The following LIPE variants were observed in gnomAD, a reference collection of about 807,000 sequenced individuals.
LIPE encodes lipase E, hormone sensitive type.
In LIPE, 66 loss-of-function variants were observed where a neutral mutation model predicts 88.5. The observed-to-expected ratio is 0.75, with a 90% confidence interval of 0.61 to 0.91. LIPE has a LOEUF of 0.91. Ranked by LOEUF, LIPE falls within the 40% of genes least tolerant of loss-of-function variation. LIPE has a pLI of 0.00. For synonymous variants in LIPE, 570 were observed against 617.5 expected, an observed-to-expected ratio of 0.92 and a Z score of 1.14; for missense variants, 1,346 against 1,434.7, an observed-to-expected ratio of 0.94 and a Z score of 1.00.
At chr19:42,421,279 A>T (rs1421961921) in intron 1 of LIPE, among the ~76,000 whole-genome samples, 1 of 151,846 alleles carries the variant, frequency 6.6e-6, no homozygotes. Flanking sequence ...TCTGCACTGT[A>T]ACTCAGTGTT....
At position 42,405,577 on chromosome 19, in the gene LIPE, G is replaced by A. The variant is rs539150265; in HGVS notation, c.2366-16C>T. The A allele has an allele frequency of 1.2e-5, 19 of 1,598,416 alleles. No individual in the cohort carries two copies. In the South Asian group the frequency reaches 1.9e-4, roughly 16 times the overall value. On this transcript the variant is annotated splice_polypyrimidine_tract_variant and intron_variant, in intron 7 of 9. Transcript: ENST00000244289. ...GTCTTTGCACCTGCAGAATATATGT[G>A]GGTAGCTGAGTTGTTTTCCCCTTTC...
Position 42,406,386 on chromosome 19 carries a change from A to G in LIPE, c.2140T>C (p.Ser714Pro). The G allele has an allele frequency of 6.2e-7, 1 of 1,611,762 alleles. No individual in the cohort carries two copies. Among genetic ancestry groups the G allele is most frequent in the South Asian group, 1.1e-5 (1 of 91,032 alleles). The change falls in exon 7 of 10, where the codon TCA (serine) becomes CCA (proline). Residue 714 changes from serine (S) to proline (P), a missense_variant and splice_region_variant. Transcript: ENST00000244289. This position sits in a 1 kb window ranked among gnomAD's most constrained non-coding sequence, Gnocchi z 5.7. ...WAIKHCALLG[S>P]TGERICLAGD... is the part of the protein sequence containing the mutation. ...GCAAGGCAGATTCGTTCCCCTGTTG[A>G]GCCTGGTTTGGGAGAGGGGTGGTTG...
chr19:42,426,124 TTA>T, intron 1 of LIPE, 141 bp downstream of exon 1: 4 of 556,890 alleles, frequency 7.2e-6, no homozygotes, highest in South Asian at 5.9e-5. Context: ...TTTTTTTTTT[TTA>T]ATAATGGGGA....
At chr19:42,411,959 C>T (rs1209959217) in intron 1 of LIPE, among the ~76,000 whole-genome samples, 1 of 152,180 alleles carries the variant, frequency 6.6e-6, no homozygotes, top group Non-Finnish European at 1.5e-5. Flanking sequence ...AACTGAGGCT[C>T]AGGTTTTAAG....
intron 1 of LIPE, chr19:42,423,305 C>T (rs1352786660): frequency 6.6e-6 from 5 of 752,706 alleles, no homozygotes; most frequent in Non-Finnish European, 9.5e-6. Flanking sequence ...GGCAATGGGC[C>T]AGTCCGCGGA....
intron 1 of LIPE, chr19:42,423,413 G>C (rs145806643): frequency 7.8e-7 from 1 of 1,289,394 alleles, no homozygotes; most frequent in Non-Finnish European, 1.0e-6. Flanking sequence ...GTCTCCGCGC[G>C]CTCACCTTTG....
rs2040707298 is a variant in LIPE at position 42,426,346 on chromosome 19, A to G, written c.804T>C (p.Tyr268=). The part of the protein sequence containing the change: ...VKLGFKGKSG[Y]KVMSGYSGTS... ...TCCCACTGTATCCTGACATCACTTT[A>G]TAACCAGATTTTCCTTTGAAGCCTA... The change falls in exon 1 of 10, where the codon TAT becomes TAC. Residue 268 remains tyrosine, a synonymous_variant. Transcript: ENST00000244289. The G allele has an allele frequency of 3.1e-6, 5 of 1,613,834 alleles. No homozygotes were observed. The South Asian group carries it at 5.5e-5, about 18-fold the overall frequency.
At chr19:42,409,972 G>A (rs2040320967) in intron 2 of LIPE, among the ~76,000 whole-genome samples, 1 of 152,138 alleles carries the variant, frequency 6.6e-6, no homozygotes, top group African/African-American at 2.4e-5. Context: ...CCCTCCCTGA[G>A]GGGTCTCAAA....
rs1337657011 is a variant in LIPE at position 42,414,259 on chromosome 19, C to T, written c.884-3417G>A. On this transcript the variant is annotated intron_variant, in intron 1 of 9. Transcript: ENST00000244289. The surrounding 1 kb of genome is among the most constrained non-coding windows in gnomAD (Gnocchi z 4.6). ...ACTGTACTCCAGCCTGGCGATAAAG[C>T]GAGACTCTGTCAGAAAAGAAAGGAA... 2.0e-5 allele frequency among the ~76,000 whole-genome samples: 3 copies of T among 148,302 alleles called. No individual in the cohort carries two copies. Among genetic ancestry groups the T allele is most frequent in the Admixed American group, 6.7e-5 (1 of 14,928 alleles).
rs1241660702 is a variant in LIPE at position 42,407,469 on chromosome 19, C to T, written c.1843-1G>A. The T allele has an allele frequency of 1.9e-6, 3 of 1,608,376 alleles. No individual in the cohort carries two copies. Among genetic ancestry groups the T allele is most frequent in the African/African-American group, 2.7e-5 (2 of 74,914 alleles). On this transcript the variant is annotated splice_acceptor_variant, in intron 5 of 9. Coordinates refer to ENST00000244289, the MANE Select transcript of LIPE (RefSeq NM_005357.4). LOFTEE classifies it high-confidence loss of function. This position sits in a 1 kb window ranked among gnomAD's most constrained non-coding sequence, Gnocchi z 5.8. ...TCAGGCTGCTGAGCTCCTCACTGTC[C>T]TGGGGGTGAGGAGGGAGACGGTGTG...
In LIPE at chr19:42,405,462, A is replaced by G; in HGVS notation, c.2465T>C (p.Leu822Pro). The change falls in exon 8 of 10, where the codon CTG becomes CCG. Residue 822 changes from leucine (L) to proline (P), a missense_variant. Leu to Pro is a moderately conservative substitution (Grantham distance 98, BLOSUM62 -3). Transcript: ENST00000244289. ...GGAGTTGAGCCATGAGGAGGCACCC[A>G]GGCGGAAGTCTCGGAGGAGCAGGGC... ...DTALLLRDFR[L>P]GASSWLNSFL... is the part of the protein sequence containing the mutation. 6.2e-7 allele frequency: 1 copy of G among 1,614,002 alleles called. No homozygotes were observed. The highest frequency in any genetic ancestry group is 8.5e-7 in the Non-Finnish European group (1 of 1,179,958).
At chr19:42,412,404 G>C (rs1283506175) in intron 1 of LIPE, 1 of 985,882 alleles carries the variant, frequency 1.0e-6, no homozygotes, top group Non-Finnish European at 1.2e-6. Context: ...GGCTGGGACT[G>C]CTGGTCTGTG....
At chr19:42,411,190 CAG>C (rs962664646) in intron 1 of LIPE, 1 of 512,384 alleles carries the variant, frequency 2.0e-6, no homozygotes, top group African/African-American at 2.1e-5. Context: ...CTTTGGGACT[CAG>C]AAACTTGCTG....
chr19:42,426,809 T>A lies in LIPE; in HGVS notation c.341A>T (p.Gln114Leu). The A allele has an allele frequency of 6.2e-7, 1 of 1,614,160 alleles. No individual in the cohort carries two copies. The highest frequency in any genetic ancestry group is 1.3e-5 in the African/African-American group (1 of 75,038). ...VLLTQQEAASQQGPGLGKESI... is the reference protein window; with the variant it reads ...VLLTQQEAASLQGPGLGKESI... The stretch of plus-strand genomic sequence containing the variant: ...TTCTTTTCCTAGCCCAGGTCCCTGC[T>A]GGGAGGCAGCTTCCTGTTGAGTGAG... The change falls in exon 1 of 10, where the codon CAG becomes CTG. Residue 114 changes from glutamine (Q) to leucine (L), a missense_variant. By Grantham distance (113) the Gln-to-Leu change is moderately radical (BLOSUM62 -2). Transcript: ENST00000244289.
intron 1 of LIPE, chr19:42,423,329 C>G (rs1303016691): frequency 1.7e-5 from 17 of 1,025,442 alleles, no homozygotes; most frequent in Non-Finnish European, 2.2e-5. Context: ...CCCCAACTCC[C>G]TGTGGCAGTG....
chr19:42,423,452 CGTG>C, intron 1 of LIPE: 1 of 1,289,404 alleles, frequency 7.8e-7, no homozygotes, highest in Non-Finnish European at 1.0e-6. Flanking sequence ...CGCCGGCGAC[CGTG>C]GCTCCTTGAG....
At position 42,405,478 on chromosome 19, in the gene LIPE, G is replaced by T. The variant is rs992507741; in HGVS notation, c.2449C>A (p.Leu817Ile). The T allele has an allele frequency of 1.9e-6, 3 of 1,613,982 alleles. No individual in the cohort carries two copies. The highest frequency in any genetic ancestry group is 2.7e-5 in the African/African-American group (2 of 74,944). The change falls in exon 8 of 10, where the codon CTC becomes ATC. Residue 817 changes from leucine (L) to isoleucine (I), a missense_variant. Coordinates refer to ENST00000244289, the MANE Select transcript of LIPE (RefSeq NM_005357.4). ...GAGGCACCCAGGCGGAAGTCTCGGA[G>T]GAGCAGGGCTGTGTCCCGCCGCACC... Reference protein sequence around the residue: ...GLVRRDTALLLRDFRLGASSW... With the variant: ...GLVRRDTALLIRDFRLGASSW...
intron 8 of LIPE, among the ~76,000 whole-genome samples, chr19:42,404,268 G>A (rs1340851396): frequency 2.0e-5 from 3 of 148,142 alleles, no homozygotes; most frequent in Middle Eastern, 6.9e-3. Flanking sequence ...GTCTCACTCT[G>A]TTACCCAGGC....
intron 1 of LIPE, among the ~76,000 whole-genome samples, chr19:42,420,288 AGT>A (rs1418333070): frequency 6.6e-6 from 1 of 151,762 alleles, no homozygotes; most frequent in East Asian, 1.9e-4. Flanking sequence ...GTCGGGTGTG[AGT>A]GTGTCTGGGG....
Sources: gnomAD v4.1 joint callset for allele counts (sites outside exome capture counted in the v4.1 genomes callset) on GRCh38, gnomAD v4.1.1 for gene constraint, Gnocchi (gnomAD v3.1) non-coding constraint, MANE v1.5 for transcripts, NCBI Gene and HGNC (gene_info 2026-07-23, HGNC 2026-07-21) for gene names.